FBXL13: variants seen among roughly 807,000 people sequenced by gnomAD.
The protein encoded by FBXL13 is F-box and leucine-rich repeat protein 13.
Under a neutral mutation model 83.6 loss-of-function variants are expected in FBXL13, and 67 were observed. That is an observed-to-expected ratio of 0.80 (90% confidence interval 0.66 to 0.98). The LOEUF (loss-of-function observed/expected upper bound fraction) is 0.98, where lower values mean the gene tolerates loss of function less well. Among genes scored for constraint, FBXL13 ranks in the 50% least tolerant of loss-of-function variants. FBXL13 has a pLI of 0.00. For synonymous variants in FBXL13, 272 were observed against 299.5 expected, an observed-to-expected ratio of 0.91 and a Z score of 0.95; for missense variants, 822 against 866.5, an observed-to-expected ratio of 0.95 and a Z score of 0.64.
At chr7:103,041,979 A>G (rs951159490) in intron 2 of FBXL13, among the ~76,000 whole-genome samples, 9 of 152,168 alleles carry the variant, frequency 5.9e-5, no homozygotes, top group African/African-American at 1.2e-4. Flanking sequence ...TGGCTAGGCA[A>G]TCAGGCAAGA....
chr7:102,924,681 G>A (rs1238841447), intron 10 of FBXL13, among the ~76,000 whole-genome samples: 2 of 133,716 alleles, frequency 1.5e-5, no homozygotes, highest in Non-Finnish European at 3.1e-5. Context: ...TCGCTCTGTC[G>A]CCCAGGCTGG....
intron 6 of FBXL13, among the ~76,000 whole-genome samples, chr7:103,002,839 A>G (rs1023905027): frequency 1.3e-5 from 2 of 151,804 alleles, no homozygotes. Flanking sequence ...ATCCTCTTTG[A>G]CCCTGACCTT....
chr7:102,926,128 A>AT, intron 10 of FBXL13, 146 bp downstream of exon 11: 1 of 647,538 alleles, frequency 1.5e-6, no homozygotes, highest in Non-Finnish European at 2.6e-6. Context: ...TAGGGACTTG[A>AT]AAGCAGCAGA....
intron 2 of FBXL13, among the ~76,000 whole-genome samples, chr7:103,041,456 T>C (rs1795684559): frequency 6.6e-6 from 1 of 152,168 alleles, no homozygotes; most frequent in Admixed American, 6.5e-5. Flanking sequence ...GAGAGAATCT[T>C]CCCTAACTCT....
chr7:102,906,212 T>C (rs1296195746), intron 11 of FBXL13, among the ~76,000 whole-genome samples: 1 of 152,204 alleles, frequency 6.6e-6, no homozygotes, highest in Non-Finnish European at 1.5e-5. Context: ...AAGATGAGAT[T>C]TGGGCAGGGA....
chr7:102,851,335 A>G (rs770797561), intron 17 of FBXL13, among the ~76,000 whole-genome samples: 2 of 152,180 alleles, frequency 1.3e-5, no homozygotes, highest in Non-Finnish European at 2.9e-5. Flanking sequence ...ATTGACAGAG[A>G]TAATTTAAGG....
chr7:103,051,905 G>C (rs1012509753), intron 2 of FBXL13, among the ~76,000 whole-genome samples: 1 of 152,194 alleles, frequency 6.6e-6, no homozygotes, highest in African/African-American at 2.4e-5. Context: ...CTCAGCTATT[G>C]TTACAGGCAC....
intron 1 of FBXL13, among the ~76,000 whole-genome samples, chr7:103,070,723 T>A (rs959416718): frequency 6.6e-6 from 1 of 152,166 alleles, no homozygotes; most frequent in African/African-American, 2.4e-5. Context: ...GGAGCCAGCA[T>A]GTAACATGGG....
chr7:102,984,859 T>C (rs557983279), intron 6 of FBXL13, among the ~76,000 whole-genome samples: 27 of 152,346 alleles, frequency 1.8e-4, no homozygotes, highest in African/African-American at 6.0e-4. Flanking sequence ...GATGCCCAAT[T>C]AAATTTGTAT....
intron 11 of FBXL13, among the ~76,000 whole-genome samples, chr7:102,890,007 TG>T (rs1811333676): frequency 8.6e-6 from 1 of 115,674 alleles, no homozygotes; most frequent in South Asian, 3.0e-4. Flanking sequence ...AAGTGGGGGG[TG>T]GGGGGTAGGG....
intron 6 of FBXL13, among the ~76,000 whole-genome samples, chr7:102,993,155 G>C (rs1468673313): frequency 1.3e-5 from 2 of 152,296 alleles, no homozygotes; most frequent in East Asian, 3.9e-4. Flanking sequence ...TGGAACCACT[G>C]TCTGCATTGG....
At chr7:102,939,357 C>T (rs1370618943) in intron 8 of FBXL13, 1 of 1,281,708 alleles carries the variant, frequency 7.8e-7, no homozygotes, top group African/African-American at 1.5e-5. Flanking sequence ...TCTTCAATCA[C>T]ACAGATATAA....
At chr7:102,887,344 A>T (rs942080891) in intron 11 of FBXL13, among the ~76,000 whole-genome samples, 2 of 152,152 alleles carry the variant, frequency 1.3e-5, no homozygotes, top group Non-Finnish European at 2.9e-5. Context: ...AAAACAAAGT[A>T]TATCAGTCAG....
At chr7:102,904,180 T>C (rs1265786798) in intron 11 of FBXL13, among the ~76,000 whole-genome samples, 1 of 151,972 alleles carries the variant, frequency 6.6e-6, no homozygotes, top group East Asian at 1.9e-4. Flanking sequence ...TTACTTATTA[T>C]TGGTCTGTTC....
At chr7:103,061,344 G>A (rs144150677) in intron 1 of FBXL13, among the ~76,000 whole-genome samples, 1,674 of 152,284 alleles carry the variant, frequency 0.011, 35 homozygotes, top group African/African-American at 0.039. Context: ...AGTCCCAGCC[G>A]TCTCATCCCC....
chr7:102,999,805 T>C (rs1401001247), intron 6 of FBXL13, among the ~76,000 whole-genome samples: 1 of 152,194 alleles, frequency 6.6e-6, no homozygotes, highest in Non-Finnish European at 1.5e-5. Flanking sequence ...TTTTTCTTAG[T>C]CTAACTAAAG....
intron 8 of FBXL13, among the ~76,000 whole-genome samples, chr7:102,959,167 T>C (rs933136385): frequency 6.6e-6 from 1 of 152,132 alleles, no homozygotes; most frequent in Non-Finnish European, 1.5e-5. Context: ...GAGAGCTTAA[T>C]ACATGGTCAG....
intron 10 of FBXL13, among the ~76,000 whole-genome samples, chr7:102,921,546 G>A (rs1817028379): frequency 6.6e-6 from 1 of 151,896 alleles, no homozygotes; most frequent in Non-Finnish European, 1.5e-5. Flanking sequence ...TGGGTGTTGT[G>A]GTAAGTGCCT....
chr7:102,939,881 C>G (rs2129475114), intron 8 of FBXL13, among the ~76,000 whole-genome samples: 1 of 151,912 alleles, frequency 6.6e-6, no homozygotes, highest in Middle Eastern at 3.4e-3. Context: ...CAATAGTATA[C>G]TAAAATGTAG....
Sources: gnomAD v4.1 joint callset for allele counts (sites outside exome capture counted in the v4.1 genomes callset) on GRCh38, gnomAD v4.1.1 for gene constraint, MANE v1.5 for transcripts, NCBI Gene and HGNC (gene_info 2026-07-23, HGNC 2026-07-21) for gene names.